The following PRKCB variants were observed in gnomAD, a reference collection of about 807,000 sequenced individuals.
The protein encoded by PRKCB is protein kinase C beta type.
PRKCB carries 13 observed loss-of-function variants against 81.5 expected under a neutral mutation model. That is an observed-to-expected ratio of 0.16 (90% CI 0.10 to 0.25). PRKCB has a LOEUF of 0.25. PRKCB is among the 10% of genes least tolerant of loss of function. The pLI is 1.00. For synonymous variants in PRKCB, 335 were observed against 321.4 expected, an observed-to-expected ratio of 1.04 and a Z score of -0.45; for missense variants, 509 against 875.7, an observed-to-expected ratio of 0.58 and a Z score of 5.29.
Position 24,161,926 on chromosome 16 carries a change from G to A in PRKCB, c.1239+7069G>A, listed in dbSNP as rs181173580. Among the ~76,000 whole-genome samples the A allele has an allele frequency of 6.6e-5, 10 of 152,184 alleles. No homozygotes were observed. In the East Asian group the frequency reaches 1.2e-3, roughly 18 times the overall value. On this transcript the variant is annotated intron_variant, in intron 10 of 16. Coordinates refer to ENST00000643927, the MANE Select transcript of PRKCB (RefSeq NM_002738.7). ...TTTTCTCAGGGACAATTGTCAGCCC[G>A]GCACATTCATGCAATTTCCCAACTG... is the stretch of plus-strand genomic sequence containing the variant.
chr16:24,185,296 C>G, intron 14 of PRKCB, 105 bp downstream of exon 14: 5 of 1,285,656 alleles, frequency 3.9e-6, no homozygotes, highest in East Asian at 2.3e-5. Flanking sequence ...ATTGGAACCT[C>G]TATGACTTTC....
chr16:24,054,706 C>A (rs1965883521), intron 5 of PRKCB, among the ~76,000 whole-genome samples: 1 of 152,300 alleles, frequency 6.6e-6, no homozygotes, highest in Non-Finnish European at 1.5e-5. Context: ...CTGACCAAGC[C>A]GTTGACAGCT....
intron 2 of PRKCB, among the ~76,000 whole-genome samples, chr16:23,951,579 C>CTTTTT (rs11354474): frequency 1.0e-5 from 1 of 97,594 alleles, no homozygotes; most frequent in African/African-American, 4.0e-5. Flanking sequence ...CTATGCCAGG[C>CTTTTT]TTTTTTTTTT....
At chr16:23,939,039 C>T (rs1964103163) in intron 2 of PRKCB, among the ~76,000 whole-genome samples, 1 of 152,064 alleles carries the variant, frequency 6.6e-6, no homozygotes, top group Non-Finnish European at 1.5e-5. Flanking sequence ...AGCAAGGTTG[C>T]CAGATACAGG....
intron 5 of PRKCB, among the ~76,000 whole-genome samples, chr16:24,077,546 T>C (rs7195648): frequency 0.16 from 24,076 of 151,924 alleles, 3,144 homozygotes; most frequent in African/African-American, 0.36. Context: ...ATACATTCAT[T>C]CATCTGTCTA....
intron 9 of PRKCB, among the ~76,000 whole-genome samples, chr16:24,144,033 C>G (rs1355103370): frequency 6.6e-6 from 1 of 152,068 alleles, no homozygotes; most frequent in Non-Finnish European, 1.5e-5. Context: ...TTTTTCTCCT[C>G]AAAAAACGAT....
At chr16:24,204,856 T>A (rs775344942) in intron 16 of PRKCB, among the ~76,000 whole-genome samples, 1 of 152,146 alleles carries the variant, frequency 6.6e-6, no homozygotes, top group East Asian at 1.9e-4. Context: ...GCACAGAGGC[T>A]CATGCCTGTA....
chr16:23,906,057 T>C (rs1313666879), intron 2 of PRKCB, among the ~76,000 whole-genome samples: 1 of 152,206 alleles, frequency 6.6e-6, no homozygotes, highest in Non-Finnish European at 1.5e-5. Flanking sequence ...TTTGACGACG[T>C]GCAAGGATAG....
chr16:24,135,985 C>A (rs1235023071), intron 9 of PRKCB, among the ~76,000 whole-genome samples: 2 of 152,028 alleles, frequency 1.3e-5, no homozygotes, highest in Admixed American at 6.6e-5. Flanking sequence ...CATTTGCTGT[C>A]TGATCTTGGA....
chr16:24,117,640 G>A (rs2283539), intron 8 of PRKCB, among the ~76,000 whole-genome samples: 49,179 of 151,918 alleles, frequency 0.32, 8,758 homozygotes, highest in East Asian at 0.71. Flanking sequence ...CCTGGGTTTG[G>A]GTTTTCCCAG....
intron 5 of PRKCB, among the ~76,000 whole-genome samples, chr16:24,056,075 C>T (rs997102706): frequency 3.0e-4 from 46 of 152,170 alleles, no homozygotes; most frequent in African/African-American, 1.1e-3. Context: ...ACCACTTTGC[C>T]GAATTGAGAA....
intron 2 of PRKCB, among the ~76,000 whole-genome samples, chr16:23,988,190 A>T (rs973962002): frequency 6.6e-6 from 1 of 152,208 alleles, no homozygotes; most frequent in African/African-American, 2.4e-5. Context: ...CCAAGAAACA[A>T]CATTCTGTTC....
At chr16:24,148,825 C>G (rs1396060875) in intron 9 of PRKCB, among the ~76,000 whole-genome samples, 1 of 152,210 alleles carries the variant, frequency 6.6e-6, no homozygotes, top group African/African-American at 2.4e-5. Flanking sequence ...CACTCATTCA[C>G]TTGATCCAGA....
chr16:24,034,865 G>A (rs1180611535), intron 4 of PRKCB, among the ~76,000 whole-genome samples: 1 of 152,136 alleles, frequency 6.6e-6, no homozygotes, highest in African/African-American at 2.4e-5. Context: ...CGTGGCAAAC[G>A]AACTTCTCCC....
At chr16:23,892,850 T>C (rs992159463) in intron 2 of PRKCB, 7 of 152,190 alleles carry the variant, frequency 4.6e-5, no homozygotes, top group Non-Finnish European at 8.8e-5. Context: ...ATATCTGCCT[T>C]CTGATCTCAG....
chr16:24,153,257 C>G (rs912079138), intron 9 of PRKCB, among the ~76,000 whole-genome samples: 1 of 152,162 alleles, frequency 6.6e-6, no homozygotes, highest in African/African-American at 2.4e-5. Context: ...CACCTGAACT[C>G]TGGCCCTGAT....
chr16:24,009,766 C>A (rs1453021490), intron 3 of PRKCB, among the ~76,000 whole-genome samples: 2 of 152,010 alleles, frequency 1.3e-5, no homozygotes, highest in Admixed American at 6.5e-5. Context: ...GTAATCCCAG[C>A]ACTTTGGGAG....
chr16:24,111,996 C>A (rs1966681692), intron 7 of PRKCB, among the ~76,000 whole-genome samples: 1 of 152,156 alleles, frequency 6.6e-6, no homozygotes, highest in Admixed American at 6.5e-5. Flanking sequence ...GGCTAACCAG[C>A]CTGTCTAAGG....
intron 2 of PRKCB, among the ~76,000 whole-genome samples, chr16:23,953,291 G>T (rs142629898): frequency 6.6e-6 from 1 of 152,060 alleles, no homozygotes; most frequent in Non-Finnish European, 1.5e-5. Flanking sequence ...TATTGACTTC[G>T]GGGCTGACAT....
Sources: allele counts gnomAD v4.1 joint callset (sites outside exome capture counted in the v4.1 genomes callset), GRCh38; gene constraint gnomAD v4.1.1; transcripts MANE v1.5; gene names NCBI Gene and HGNC (gene_info 2026-07-23, HGNC 2026-07-21).